Variants in PITPNC1 observed in about 807,000 individuals in gnomAD.
The protein encoded by PITPNC1 is phosphatidylinositol transfer protein cytoplasmic 1, also known as cytoplasmic phosphatidylinositol transfer protein 1.
A neutral mutation model predicts 44.7 loss-of-function variants in PITPNC1; 18 were observed. The observed-to-expected ratio is 0.40, with a 90% CI of 0.28 to 0.60. PITPNC1 has a LOEUF of 0.60. PITPNC1 is among the 20% of genes least tolerant of loss of function. The pLI is 0.39. For missense variants in PITPNC1, 290 were observed against 418.4 expected (o/e 0.69, Z 2.68); for synonymous variants, 141 against 149.6 (o/e 0.94, Z 0.42).
rs76944150 is a variant in PITPNC1 at position 67,529,742 on chromosome 17, T to A, written c.49-3060T>A. Among the ~76,000 whole-genome samples the A allele has an allele frequency of 6.7e-4, 101 of 151,340 alleles. No homozygotes were observed. The East Asian group carries it at 0.018, about 27-fold the overall frequency. ...TGGGTGGATCATTTGAGGTCAGGAG[T>A]TCAAGACCAGCCTGGCCAACATGGT... is the stretch of plus-strand genomic sequence containing the variant. On this transcript the variant is annotated intron_variant, in intron 1 of 8. Transcript: ENST00000581322.
chr17:67,601,765 A>G (rs1249139989), intron 5 of PITPNC1, among the ~76,000 whole-genome samples: 2 of 151,962 alleles, frequency 1.3e-5, no homozygotes, highest in African/African-American at 2.4e-5. Flanking sequence ...AAAAAGAAAA[A>G]GGAGGGAAAG....
At chr17:67,523,590 C>T (rs2916127) in intron 1 of PITPNC1, among the ~76,000 whole-genome samples, 84,228 of 151,508 alleles carry the variant, frequency 0.56, 23,783 homozygotes, top group East Asian at 0.76. Flanking sequence ...AGAAGTAAAT[C>T]GTCTAAGGTT....
At chr17:67,620,274 G>A (rs572074804) in intron 5 of PITPNC1, among the ~76,000 whole-genome samples, 6 of 152,138 alleles carry the variant, frequency 3.9e-5, no homozygotes, top group Admixed American at 6.5e-5. Flanking sequence ...GGCTGGTCTC[G>A]AACTGCTGCA....
chr17:67,546,065 C>T (rs186633212), intron 2 of PITPNC1, among the ~76,000 whole-genome samples: 8 of 151,548 alleles, frequency 5.3e-5, no homozygotes, highest in Non-Finnish European at 8.8e-5. Context: ...TGGTGTCCCG[C>T]GCCTGTAGTC....
chr17:67,572,100 C>T (rs1443748890), intron 4 of PITPNC1, among the ~76,000 whole-genome samples: 5 of 152,128 alleles, frequency 3.3e-5, no homozygotes, highest in Non-Finnish European at 5.9e-5. Flanking sequence ...GCTTCAGCAG[C>T]CCTTAGACAT....
At chr17:67,604,675 T>C (rs1488116550) in intron 5 of PITPNC1, among the ~76,000 whole-genome samples, 1 of 151,952 alleles carries the variant, frequency 6.6e-6, no homozygotes, top group African/African-American at 2.4e-5. Context: ...CCCAGCTACT[T>C]GGGAAGCTGA....
chr17:67,683,162 CAA>C (rs901577194), intron 8 of PITPNC1, among the ~76,000 whole-genome samples: 175 of 41,470 alleles, frequency 4.2e-3, no homozygotes, highest in African/African-American at 0.012. Context: ...AACTGAGTCT[CAA>C]AAAAAAAAAA....
At chr17:67,630,717 CTTT>C (rs113540590) in intron 5 of PITPNC1, among the ~76,000 whole-genome samples, 1 of 144,272 alleles carries the variant, frequency 6.9e-6, no homozygotes, top group African/African-American at 2.5e-5. Flanking sequence ...GAAATTTAGA[CTTT>C]TTTTTTTTTT....
chr17:67,394,444 C>A (rs944506418), intron 1 of PITPNC1, among the ~76,000 whole-genome samples: 7 of 152,114 alleles, frequency 4.6e-5, no homozygotes, highest in Admixed American at 2.0e-4. Flanking sequence ...CTCTGAAGAC[C>A]AACATTTTTC....
At chr17:67,645,598 G>A (rs1364212856) in intron 6 of PITPNC1, among the ~76,000 whole-genome samples, 1 of 152,044 alleles carries the variant, frequency 6.6e-6, no homozygotes, top group Non-Finnish European at 1.5e-5. Context: ...ATGCAGGGGG[G>A]TTAGCAATGT....
At chr17:67,515,388 C>T (rs1473217189) in intron 1 of PITPNC1, among the ~76,000 whole-genome samples, 1 of 152,138 alleles carries the variant, frequency 6.6e-6, no homozygotes, top group African/African-American at 2.4e-5. Flanking sequence ...TTGTGGTCTG[C>T]CTTGTGGACA....
intron 1 of PITPNC1, among the ~76,000 whole-genome samples, chr17:67,489,675 G>GA (rs1372785731): frequency 1.3e-5 from 2 of 152,178 alleles, no homozygotes; most frequent in Non-Finnish European, 2.9e-5. Context: ...GCACCCAAGT[G>GA]AATTACTGAA....
At chr17:67,465,596 C>T (rs772515061) in intron 1 of PITPNC1, among the ~76,000 whole-genome samples, 1 of 152,080 alleles carries the variant, frequency 6.6e-6, no homozygotes, top group Admixed American at 6.6e-5. Context: ...CTGTCACCCA[C>T]GAATGACAGA....
At chr17:67,409,556 G>A (rs1242804483) in intron 1 of PITPNC1, among the ~76,000 whole-genome samples, 6 of 151,078 alleles carry the variant, frequency 4.0e-5, no homozygotes, top group African/African-American at 9.7e-5. Context: ...TGGTGGTGGC[G>A]GGGCGGAGTT....
chr17:67,490,224 T>C (rs1182949032), intron 1 of PITPNC1, among the ~76,000 whole-genome samples: 1 of 151,640 alleles, frequency 6.6e-6, no homozygotes, highest in Non-Finnish European at 1.5e-5. Flanking sequence ...GGATGCATTA[T>C]GTAACTTTGG....
intron 6 of PITPNC1, among the ~76,000 whole-genome samples, chr17:67,645,361 A>G (rs192374411): frequency 0.019 from 2,830 of 151,750 alleles, 122 homozygotes; most frequent in Admixed American, 0.094. Context: ...AAAAAAAAAA[A>G]AGAGAAAGTG....
intron 1 of PITPNC1, among the ~76,000 whole-genome samples, chr17:67,448,859 C>T (rs900797348): frequency 3.3e-5 from 5 of 152,184 alleles, no homozygotes; most frequent in East Asian, 3.9e-4. Flanking sequence ...CTCCGCCTCC[C>T]GGGTTCAAGT....
At chr17:67,575,239 C>T (rs1820976489) in intron 4 of PITPNC1, among the ~76,000 whole-genome samples, 1 of 115,374 alleles carries the variant, frequency 8.7e-6, no homozygotes, top group South Asian at 3.0e-4. Context: ...AGGGCATCCC[C>T]CCACGTTCTC....
intron 6 of PITPNC1, among the ~76,000 whole-genome samples, chr17:67,633,151 G>C (rs2041991529): frequency 6.6e-6 from 1 of 152,062 alleles, no homozygotes. Flanking sequence ...TAACATCCCA[G>C]CCCTGCAATG....
Sources: allele counts gnomAD v4.1 joint callset (sites outside exome capture counted in the v4.1 genomes callset), GRCh38; gene constraint gnomAD v4.1.1; transcripts MANE v1.5; gene names NCBI Gene and HGNC (gene_info 2026-07-23, HGNC 2026-07-21).